Variants in FASN observed in about 807,000 individuals in gnomAD.
FASN encodes the protein fatty acid synthase, also known as 3-hydroxyacyl-[acyl-carrier-protein] dehydratase.
Under a neutral mutation model 250.0 loss-of-function variants are expected in FASN, and 50 were observed. The ratio of observed to expected loss-of-function variants is 0.20; its 90% confidence interval spans 0.16 to 0.25. The LOEUF is 0.25. FASN is among the 10% of genes least tolerant of loss of function. FASN has a pLI of 1.00. For synonymous variants in FASN, 1,909 were observed against 1,584.0 expected (o/e 1.21, Z -4.87); for missense variants, 3,031 against 3,498.5 (o/e 0.87, Z 3.37).
intron 21 of FASN, among the ~76,000 whole-genome samples, 173 bp downstream of exon 21, chr17:82,086,877 G>A (rs1437626123): frequency 1.3e-5 from 2 of 151,614 alleles, no homozygotes; most frequent in Admixed American, 6.6e-5. Context: ...GAGGAAGGCT[G>A]GGGGCTGGGG....
rs1427269845 is a variant in FASN, at chr17:82,093,994, G to C, written c.281-223C>G. On this transcript the variant is annotated intron_variant, in intron 3 of 42. Transcript: ENST00000306749. The stretch of plus-strand genomic sequence containing the variant: ...CAGCAGCCAGCCCAGGTGAGGCCTG[G>C]AACAGGAACCAGGTCACAGAGGGAA... The C allele has an allele frequency of 2.3e-5, 14 of 613,030 alleles. No individual in the cohort carries two copies. The East Asian group carries it at 3.9e-4, about 17-fold the overall frequency. 38.0% of individuals were successfully genotyped at this position (613,030 alleles called of 1,614,324 possible). A position where few individuals can be genotyped will look rare whatever the true frequency, so the allele number is the denominator to read the frequency against.
chr17:82,084,987 T>C (rs1598576335), intron 25 of FASN, 34 bp from the exon 26 acceptor site: 1 of 1,561,528 alleles, frequency 6.4e-7, no homozygotes, highest in East Asian at 2.4e-5. Flanking sequence ...AGGCTGGGGA[T>C]GGGGAGGCTG....
chr17:82,082,959 C>G lies in FASN; in HGVS notation c.5722G>C (p.Gly1908Arg). The change falls in exon 33 of 43, where the codon GGG becomes CGG. Residue 1908 changes from glycine to arginine, a missense_variant. Gly to Arg is a moderately radical substitution (Grantham distance 125). Transcript: ENST00000306749. ...GAAGTCAACACGAGCTTCTGCACCC[C>G]ACGCTGTATCAGCCACTGCGCCAAC... ...LELAQWLIQR[G>R]VQKLVLTSRS... 6.2e-7 allele frequency: 1 copy of G among 1,612,836 alleles called. No homozygotes were observed. Among genetic ancestry groups the G allele is most frequent in the South Asian group, 1.1e-5 (1 of 91,086 alleles).
At chr17:82,082,843 G>A in intron 33 of FASN, 71 bp downstream of exon 33, 2 of 1,579,660 alleles carry the variant, frequency 1.3e-6, no homozygotes, top group Non-Finnish European at 1.7e-6. Context: ...ATGGTGGGCT[G>A]CAGAGAAGGG....
intron 33 of FASN, 80 bp downstream of exon 33, chr17:82,082,834 T>G: frequency 6.4e-7 from 1 of 1,574,716 alleles, no homozygotes; most frequent in Non-Finnish European, 8.7e-7. Flanking sequence ...CAGCCCACAA[T>G]GGTGGGCTGC....
intron 36 of FASN, 73 bp from the exon 37 acceptor site, chr17:82,081,916 G>A: frequency 2.4e-6 from 1 of 409,974 alleles, no homozygotes; most frequent in Non-Finnish European, 4.1e-6. Context: ...GAGAGGGTGG[G>A]GTGGGCAGGG....
chr17:82,089,562 G>A (rs1031960763), intron 12 of FASN, 70 bp downstream of exon 12: 90 of 1,542,594 alleles, frequency 5.8e-5, no homozygotes, highest in East Asian at 7.2e-5. Context: ...GACCGTGGCC[G>A]CGTGTCCCTG....
Position 82,089,659 on chromosome 17 carries a change from C to G in FASN, c.1938G>C (p.Lys646Asn). ...PGVVPACHNS[K>N]DTVTISGPQA... is the part of the protein sequence containing the mutation. ...GAGGTCCCGAGATGGTGACTGTGTCCTTGGAGTTGTGGCAGGCGGGCACCA... is the reference window on the plus strand; with the variant it reads ...GAGGTCCCGAGATGGTGACTGTGTCGTTGGAGTTGTGGCAGGCGGGCACCA... The change falls in exon 12 of 43, where the codon AAG becomes AAC. Residue 646 changes from lysine (K) to asparagine (N), a missense_variant. Transcript: ENST00000306749. The G allele has an allele frequency of 6.2e-7, 1 of 1,605,340 alleles. No individual in the cohort carries two copies. Among genetic ancestry groups the G allele is most frequent in the Non-Finnish European group, 8.5e-7 (1 of 1,176,848 alleles).
intron 4 of FASN, 83 bp from the exon 5 acceptor site, chr17:82,093,502 C>T (rs2034250361): frequency 6.3e-7 from 1 of 1,591,460 alleles, no homozygotes; most frequent in Non-Finnish European, 8.6e-7. Context: ...AGGCTGGACA[C>T]ACACTGCACG....
chr17:82,085,600 G>A lies in FASN; in HGVS notation c.4004C>T (p.Ala1335Val), dbSNP rs752849408. The stretch of plus-strand genomic sequence containing the variant: ...GAGCAGAAAGCCCCCTTCTCTCAGG[G>A]CAGCCACCATGTTGCTGAGAGCTGA... ...PASALSNMVA[A>V]LREGGFLLLH... The change falls in exon 23 of 43, where the codon GCC (alanine) becomes GTC (valine). Residue 1335 changes from alanine (A) to valine (V), a missense_variant. Transcript: ENST00000306749. 6.3e-6 allele frequency: 10 copies of A among 1,598,688 alleles called. No individual in the cohort carries two copies. In the East Asian group the frequency reaches 1.1e-4, roughly 18 times the overall value.
chr17:82,081,254 C>T lies in FASN; in HGVS notation c.6505G>A (p.Glu2169Lys). ...SVEVRQTLER[E>K]LNLVLSVREV... Reference sequence around the variant, plus strand: ...CGCACGGACAGCACCAGGTTGAGCTCACGCTCCAGCGTCTGGCGCACCTCC... The same window carrying T: ...CGCACGGACAGCACCAGGTTGAGCTTACGCTCCAGCGTCTGGCGCACCTCC... Residue 2169 changes from glutamate (E) to lysine (K), a missense_variant, in exon 38 of 43, where the codon GAG (glutamate) becomes AAG (lysine). By Grantham distance (56) the Glu-to-Lys change is moderately conservative (BLOSUM62 1). Coordinates refer to ENST00000306749, the MANE Select transcript of FASN (RefSeq NM_004104.5). The T allele has an allele frequency of 6.3e-7, 1 of 1,577,218 alleles. No homozygotes were observed. Among genetic ancestry groups the T allele is most frequent in the Non-Finnish European group, 8.6e-7 (1 of 1,162,000 alleles).
In FASN at chr17:82,082,980, C is replaced by T. The variant is rs201551371; in HGVS notation, c.5701G>A (p.Ala1901Thr). 6.8e-5 allele frequency: 110 copies of T among 1,612,926 alleles called. No homozygotes were observed. The East Asian group carries it at 2.1e-3, about 31-fold the overall frequency. ...ACCCCACGCTGTATCAGCCACTGCG[C>T]CAACTCCAGGCCGAAGCCACCCAGA... ...GGLGGFGLEL[A>T]QWLIQRGVQK... The change falls in exon 33 of 43, where the codon GCG becomes ACG. Residue 1901 changes from alanine to threonine, a missense_variant. Physicochemically the swap from Ala to Thr is moderately conservative, Grantham distance 58. Coordinates refer to ENST00000306749, the MANE Select transcript of FASN (RefSeq NM_004104.5).
chr17:82,088,819 C>T lies in FASN; in HGVS notation c.2362G>A (p.Asp788Asn). Reference protein sequence around the residue: ...SCTIIPLMKKDHRDNLEFFLA... With the variant: ...SCTIIPLMKKNHRDNLEFFLA... ...AAGAACTCCAGGTTGTCCCTGTGATCCTTCTTCATCAGGGGGATGATGGTG... is the reference window on the plus strand; with the variant it reads ...AAGAACTCCAGGTTGTCCCTGTGATTCTTCTTCATCAGGGGGATGATGGTG... The change falls in exon 15 of 43, where the codon GAT becomes AAT. Residue 788 changes from aspartate (D) to asparagine (N), a missense_variant. Coordinates refer to ENST00000306749, the MANE Select transcript of FASN (RefSeq NM_004104.5). 6.2e-7 allele frequency: 1 copy of T among 1,612,580 alleles called. No individual in the cohort carries two copies. The highest frequency in any genetic ancestry group is 8.5e-7 in the Non-Finnish European group (1 of 1,179,816).
intron 3 of FASN, among the ~76,000 whole-genome samples, chr17:82,094,554 G>A (rs2034271384): frequency 6.6e-6 from 1 of 151,978 alleles, no homozygotes; most frequent in Non-Finnish European, 1.5e-5. Flanking sequence ...ACTTTGGGAA[G>A]CTGAGATGGA....
At position 82,083,119 on chromosome 17, in the gene FASN, C is replaced by A. The variant is rs370590275; in HGVS notation, c.5566-4G>T. 7 of 1,610,124 alleles carry A rather than the reference C, an allele frequency of 4.3e-6. No homozygotes were observed. In the Middle Eastern group the frequency reaches 4.9e-4, roughly 114 times the overall value. On this transcript the variant is annotated splice_region_variant and splice_polypyrimidine_tract_variant and intron_variant, in intron 32 of 42. Transcript: ENST00000306749. ...CCTCCGGCTCCTCCGCAAGCACCTG[C>A]GTCCAAGCAGCACCCACCGGCTCAG...
intron 35 of FASN, 67 bp from the exon 36 acceptor site, chr17:82,082,227 G>A (rs1598573810): frequency 1.2e-6 from 2 of 1,601,842 alleles, no homozygotes; most frequent in South Asian, 1.1e-5. Context: ...CCATCCCCAG[G>A]AAACGCCAGA....
At position 82,082,477 on chromosome 17, in the gene FASN, C is replaced by T. The variant is rs752557459; in HGVS notation, c.5919+50G>A. 8 of 1,611,148 alleles carry T rather than the reference C, an allele frequency of 5.0e-6. No individual in the cohort carries two copies. The Admixed American group carries it at 1.0e-4, about 20-fold the overall frequency. ...GGCCTCACCCGTCCACCCAGGGTCC[C>T]CCCCTTGGTCTTGGGGCTTTTGAGG... On this transcript the variant is annotated intron_variant, in intron 34 of 42. Transcript: ENST00000306749.
intron 29 of FASN, 35 bp from the exon 30 acceptor site, chr17:82,083,926 G>A: frequency 1.3e-6 from 2 of 1,550,812 alleles, no homozygotes; most frequent in Non-Finnish European, 1.7e-6. Context: ...GGTGAGCCAG[G>A]GCGGCGGGGC....
chr17:82,086,771 G>T (rs1233498779), intron 21 of FASN, among the ~76,000 whole-genome samples: 1 of 152,182 alleles, frequency 6.6e-6, no homozygotes, highest in Non-Finnish European at 1.5e-5. Flanking sequence ...CAGCTGCAGG[G>T]GCTACTCTGT....
Sources: allele counts gnomAD v4.1 joint callset (sites outside exome capture counted in the v4.1 genomes callset), GRCh38; gene constraint gnomAD v4.1.1; transcripts MANE v1.5; gene names NCBI Gene and HGNC (gene_info 2026-07-23, HGNC 2026-07-21).